The following CSNK1G3 variants were observed in gnomAD, a reference collection of about 807,000 sequenced individuals.
CSNK1G3 encodes casein kinase I isoform gamma-3.
A neutral mutation model predicts 64.3 loss-of-function variants in CSNK1G3; 23 were observed. The ratio of observed to expected loss-of-function variants is 0.36; its 90% CI spans 0.26 to 0.51. The LOEUF (loss-of-function observed/expected upper bound fraction) is 0.51. Ranked by LOEUF, CSNK1G3 falls within the 20% of genes least tolerant of loss-of-function variation. The probability of loss-of-function intolerance (pLI) is 0.96; values close to 1 mark genes in which losing one functional copy is unlikely to be tolerated. For synonymous variants in CSNK1G3, 158 were observed against 162.2 expected (o/e 0.97, Z 0.20); for missense variants, 357 against 510.5 (o/e 0.70, Z 2.90).
chr5:123,591,029 T>C (rs898914234), intron 9 of CSNK1G3, among the ~76,000 whole-genome samples: 2 of 152,096 alleles, frequency 1.3e-5, no homozygotes, highest in South Asian at 2.1e-4. Flanking sequence ...ATCATGTTGA[T>C]ATGAAAATGT....
At chr5:123,601,945 C>T (rs183113397) in intron 10 of CSNK1G3, among the ~76,000 whole-genome samples, 25 of 151,986 alleles carry the variant, frequency 1.6e-4, no homozygotes, top group African/African-American at 5.8e-4. Flanking sequence ...GTCTCCTTTC[C>T]AATTTAGTGC....
At position 123,557,581 on chromosome 5, in the gene CSNK1G3, AT is replaced by A; in HGVS notation, c.289+22del. The A allele has an allele frequency of 6.7e-7, 1 of 1,483,766 alleles. No homozygotes were observed. Among genetic ancestry groups the A allele is most frequent in the Non-Finnish European group, 9.2e-7 (1 of 1,087,714 alleles). The allele number at this position is 1,483,766 out of a possible 1,614,324, so 91.9% of individuals were successfully genotyped here. A position where few individuals can be genotyped will look rare whatever the true frequency, so the allele number is the denominator to read the frequency against. The stretch of plus-strand genomic sequence containing the variant: ...GATCTGGAGGTAAAGTCTTATATTA[AT>A]TTTTAAATTTGAAATAAAGTGGATT... On this transcript the variant is annotated intron_variant, in intron 4 of 12. Coordinates refer to ENST00000345990, the Ensembl canonical transcript of CSNK1G3.
At chr5:123,564,860 G>T (rs1001126772) in intron 4 of CSNK1G3, among the ~76,000 whole-genome samples, 1 of 152,034 alleles carries the variant, frequency 6.6e-6, no homozygotes, top group African/African-American at 2.4e-5. Flanking sequence ...TTCACCTGTT[G>T]GTTCATAGCA....
chr5:123,557,575 A>AAT lies in CSNK1G3; in HGVS notation c.289+11_289+12insAT. On this transcript the variant is annotated intron_variant, in intron 4 of 12. Transcript: ENST00000345990. ...AGTTAGGATCTGGAGGTAAAGTCTT[A>AAT]TATTAATTTTTAAATTTGAAATAAA... is the stretch of plus-strand genomic sequence containing the variant. 3 of 1,526,844 alleles carry AAT rather than the reference A, an allele frequency of 2.0e-6. No homozygotes were observed. The highest frequency in any genetic ancestry group is 2.7e-6 in the Non-Finnish European group (3 of 1,121,662). 94.6% of individuals were successfully genotyped at this position (1,526,844 alleles called of 1,614,324 possible).
chr5:123,600,246 A>T (rs541491071), intron 10 of CSNK1G3, among the ~76,000 whole-genome samples: 1 of 152,290 alleles, frequency 6.6e-6, no homozygotes, highest in Admixed American at 6.5e-5. Context: ...ATTAGATGAG[A>T]ATTTGGCTAA....
intron 6 of CSNK1G3, among the ~76,000 whole-genome samples, chr5:123,578,182 A>T (rs1206799626): frequency 2.0e-5 from 3 of 151,944 alleles, no homozygotes; most frequent in African/African-American, 7.2e-5. Flanking sequence ...TTTTGTGGGC[A>T]TATTTTTCAG....
intron 1 of CSNK1G3, among the ~76,000 whole-genome samples, chr5:123,537,175 T>G (rs1209294889): frequency 6.6e-6 from 1 of 152,084 alleles, no homozygotes; most frequent in African/African-American, 2.4e-5. Context: ...AGCAAAGATA[T>G]AGAATCAACC....
exon 13 of CSNK1G3, chr5:123,614,560 C>A: frequency 7.3e-6 from 3 of 413,282 alleles, no homozygotes; most frequent in Non-Finnish European, 8.3e-6. Flanking sequence ...CATTCTTTTT[C>A]TTTTTTTTTT....
At chr5:123,574,806 A>G (rs1461987577) in intron 5 of CSNK1G3, among the ~76,000 whole-genome samples, 2 of 152,202 alleles carry the variant, frequency 1.3e-5, no homozygotes, top group Non-Finnish European at 2.9e-5. Context: ...CCTGGGTGGC[A>G]GAGTGAGACC....
chr5:123,578,920 A>G (rs1789697105), intron 6 of CSNK1G3, among the ~76,000 whole-genome samples: 1 of 152,024 alleles, frequency 6.6e-6, no homozygotes, highest in Admixed American at 6.6e-5. Flanking sequence ...CAGAGAAAGT[A>G]CAAACTTAAT....
chr5:123,517,740 G>C (rs1385795097), intron 1 of CSNK1G3, among the ~76,000 whole-genome samples: 1 of 152,110 alleles, frequency 6.6e-6, no homozygotes, highest in Non-Finnish European at 1.5e-5. Flanking sequence ...AGATTGTCTT[G>C]TGAATGGACA....
Position 123,557,395 on chromosome 5 carries a change from A to G in CSNK1G3, c.220-100A>G. The G allele has an allele frequency of 4.0e-6, 3 of 745,986 alleles. No homozygotes were observed. The South Asian group carries it at 4.9e-5, about 12-fold the overall frequency. The allele number at this position is 745,986 out of a possible 1,614,324, so 46.2% of individuals were successfully genotyped here. ...AGACAAAGATGCCTGGTAGACTATT[A>G]CATAATATAGGCATTGACACCAAAA... On this transcript the variant is annotated intron_variant, in intron 3 of 12. Transcript: ENST00000345990.
intron 4 of CSNK1G3, among the ~76,000 whole-genome samples, chr5:123,559,214 A>G (rs1190106708): frequency 2.0e-5 from 3 of 151,502 alleles, no homozygotes; most frequent in African/African-American, 7.3e-5. Context: ...CTACTGGGAA[A>G]TCGAGGTGTT....
intron 6 of CSNK1G3, among the ~76,000 whole-genome samples, chr5:123,585,830 T>C (rs1190167104): frequency 6.6e-6 from 1 of 152,232 alleles, no homozygotes; most frequent in African/African-American, 2.4e-5. Flanking sequence ...GAAACTCCCA[T>C]ACATTGCTGG....
At chr5:123,538,714 A>G (rs904502047) in intron 1 of CSNK1G3, among the ~76,000 whole-genome samples, 1 of 152,220 alleles carries the variant, frequency 6.6e-6, no homozygotes, top group African/African-American at 2.4e-5. Context: ...CATGTATCCC[A>G]GAACTTAAAG....
At chr5:123,571,155 AG>A (rs1406046476) in intron 4 of CSNK1G3, among the ~76,000 whole-genome samples, 1 of 152,058 alleles carries the variant, frequency 6.6e-6, no homozygotes, top group Non-Finnish European at 1.5e-5. Flanking sequence ...GTGTGTTTGC[AG>A]GGGGTGGTGA....
At chr5:123,570,346 CTTTTTTTTT>C (rs370362447) in intron 4 of CSNK1G3, among the ~76,000 whole-genome samples, 2 of 130,550 alleles carry the variant, frequency 1.5e-5, no homozygotes, top group East Asian at 4.4e-4. Flanking sequence ...ACAGTCCTTT[CTTTTTTTTT>C]TTTTTTTTTT....
chr5:123,567,156 A>G (rs537780925), intron 4 of CSNK1G3, among the ~76,000 whole-genome samples: 1 of 152,298 alleles, frequency 6.6e-6, no homozygotes, highest in East Asian at 1.9e-4. Flanking sequence ...CTCATTCACT[A>G]TTATGAGAAC....
intron 1 of CSNK1G3, among the ~76,000 whole-genome samples, chr5:123,533,548 T>C (rs1282711131): frequency 6.6e-6 from 1 of 151,758 alleles, no homozygotes; most frequent in Non-Finnish European, 1.5e-5. Context: ...ATTTTTATTA[T>C]TAGTTGGAAG....
Sources: allele counts gnomAD v4.1 joint callset (sites outside exome capture counted in the v4.1 genomes callset), GRCh38; gene constraint gnomAD v4.1.1; transcripts MANE v1.5; gene names NCBI Gene and HGNC (gene_info 2026-07-23, HGNC 2026-07-21).